The following DPYD variants were observed in gnomAD, a reference collection of about 807,000 sequenced individuals.
DPYD encodes the protein dihydropyrimidine dehydrogenase, also known as dihydropyrimidine dehydrogenase [NADP(+)].
Under a neutral mutation model 116.2 loss-of-function variants are expected in DPYD, and 109 were observed. That is an observed-to-expected ratio of 0.94 (90% CI 0.80 to 1.10). The LOEUF (loss-of-function observed/expected upper bound fraction) is 1.10. Ranked by LOEUF, DPYD falls within the 50% of genes least tolerant of loss-of-function variation. The pLI is 0.00. For synonymous variants in DPYD, 440 were observed against 432.0 expected (o/e 1.02, Z -0.23); for missense variants, 1,302 against 1,254.5 (o/e 1.04, Z -0.57).
At chr1:97,378,265 G>A (rs1246205418) in intron 15 of DPYD, among the ~76,000 whole-genome samples, 1 of 152,106 alleles carries the variant, frequency 6.6e-6, no homozygotes, top group Non-Finnish European at 1.5e-5. Flanking sequence ...TCCCTGTTCA[G>A]AGACTTAACA....
At chr1:97,416,200 T>G (rs1365043148) in intron 14 of DPYD, among the ~76,000 whole-genome samples, 1 of 152,214 alleles carries the variant, frequency 6.6e-6, no homozygotes, top group Non-Finnish European at 1.5e-5. Flanking sequence ...AAAAGGGCAA[T>G]CTAATTCCTT....
At chr1:97,646,080 TC>T (rs1658242505) in intron 8 of DPYD, among the ~76,000 whole-genome samples, 1 of 152,156 alleles carries the variant, frequency 6.6e-6, no homozygotes, top group Non-Finnish European at 1.5e-5. Context: ...ACAAAAGTTT[TC>T]CTAGGATATT....
At chr1:97,845,956 G>A (rs1670279864) in intron 2 of DPYD, among the ~76,000 whole-genome samples, 1 of 152,222 alleles carries the variant, frequency 6.6e-6, no homozygotes, top group South Asian at 2.1e-4. Context: ...CCCTGCTGCA[G>A]CAGCAAGCAT....
intron 16 of DPYD, among the ~76,000 whole-genome samples, chr1:97,364,326 G>A (rs1670912485): frequency 1.3e-5 from 2 of 152,086 alleles, no homozygotes; most frequent in Admixed American, 1.3e-4. Flanking sequence ...CACATACTAA[G>A]GTTAATGGAA....
intron 12 of DPYD, 114 bp downstream of exon 12, chr1:97,549,446 G>T (rs868020410): frequency 3.5e-6 from 4 of 1,127,830 alleles, no homozygotes; most frequent in South Asian, 1.3e-5. Context: ...GTGACATATT[G>T]TATATATGCT....
chr1:97,542,739 T>G (rs1458283797), intron 12 of DPYD, among the ~76,000 whole-genome samples: 1 of 152,320 alleles, frequency 6.6e-6, no homozygotes, highest in East Asian at 1.9e-4. Context: ...TTAAATCTAA[T>G]AATTGGTGCT....
At chr1:97,825,791 A>G (rs1209253093) in intron 3 of DPYD, among the ~76,000 whole-genome samples, 1 of 152,148 alleles carries the variant, frequency 6.6e-6, no homozygotes, top group Non-Finnish European at 1.5e-5. Context: ...AGAAAGAAAG[A>G]AAAACGGATG....
intron 13 of DPYD, among the ~76,000 whole-genome samples, chr1:97,471,883 C>A (rs777571438): frequency 1.3e-5 from 2 of 152,188 alleles, no homozygotes; most frequent in Non-Finnish European, 2.9e-5. Context: ...AGCCACCACG[C>A]CCATCCCGTC....
At chr1:97,361,048 A>G (rs1670696216) in intron 16 of DPYD, among the ~76,000 whole-genome samples, 1 of 152,150 alleles carries the variant, frequency 6.6e-6, no homozygotes, top group Admixed American at 6.6e-5. Flanking sequence ...CAAAATTGAT[A>G]GAACGCTAGC....
intron 16 of DPYD, among the ~76,000 whole-genome samples, chr1:97,347,264 A>G (rs1275631314): frequency 2.0e-5 from 3 of 151,972 alleles, no homozygotes; most frequent in Admixed American, 6.6e-5. Context: ...TATTTTGCAA[A>G]TATCTTTGAT....
chr1:97,094,182 C>A (rs1357729477), intron 21 of DPYD, among the ~76,000 whole-genome samples: 3 of 151,988 alleles, frequency 2.0e-5, no homozygotes, highest in Non-Finnish European at 4.4e-5. Context: ...ATTGAAGCTG[C>A]TTCTTGGGTC....
intron 3 of DPYD, among the ~76,000 whole-genome samples, chr1:97,790,933 A>C (rs1203017381): frequency 2.0e-5 from 3 of 152,218 alleles, no homozygotes; most frequent in Non-Finnish European, 4.4e-5. Flanking sequence ...CTATTAAACT[A>C]TTGAAAGACA....
intron 19 of DPYD, among the ~76,000 whole-genome samples, chr1:97,201,117 A>C (rs1282057440): frequency 2.6e-5 from 4 of 152,150 alleles, no homozygotes; most frequent in Admixed American, 2.6e-4. Context: ...TACATATATA[A>C]ACAAGCATAT....
chr1:97,519,958 T>A (rs1012614948), intron 12 of DPYD, among the ~76,000 whole-genome samples: 1 of 152,118 alleles, frequency 6.6e-6, no homozygotes. Flanking sequence ...AATATAATTA[T>A]TTTAATTAAT....
At chr1:97,782,039 A>C (rs1666774584) in intron 3 of DPYD, among the ~76,000 whole-genome samples, 1 of 152,174 alleles carries the variant, frequency 6.6e-6, no homozygotes, top group African/African-American at 2.4e-5. Flanking sequence ...TAAATCTCTT[A>C]GACCGAAAAG....
intron 3 of DPYD, among the ~76,000 whole-genome samples, chr1:97,780,668 T>G (rs1557956051): frequency 6.6e-6 from 1 of 152,152 alleles, no homozygotes. Context: ...ACCAAGCAAG[T>G]AGTACTCTAC....
chr1:97,534,192 A>T (rs1649835220), intron 12 of DPYD, among the ~76,000 whole-genome samples: 1 of 152,192 alleles, frequency 6.6e-6, no homozygotes, highest in Non-Finnish European at 1.5e-5. Context: ...AACAAAACTG[A>T]TTAAAAATGT....
In DPYD at chr1:97,266,579, G is replaced by T. The variant is rs552318510; in HGVS notation, c.2300-31585C>A. On this transcript the variant is annotated intron_variant, in intron 18 of 22. Coordinates refer to ENST00000370192, the MANE Select transcript of DPYD (RefSeq NM_000110.4). ...AGTTCTAGGGTACATGTGCACAACG[G>T]GCAGGTTTGTTACATAGGTATACAT... 3.9e-3 allele frequency among the ~76,000 whole-genome samples: 598 copies of T among 151,832 alleles called. 2 individuals carry two copies. The highest frequency in any genetic ancestry group is 6.0e-3 in the Admixed American group (91 of 15,226).
At chr1:97,474,635 AAC>A (rs1273909997) in intron 13 of DPYD, among the ~76,000 whole-genome samples, 1 of 151,962 alleles carries the variant, frequency 6.6e-6, no homozygotes, top group Non-Finnish European at 1.5e-5. Context: ...TTAATAAAGA[AAC>A]AAAAAATAAA....
Sources: gnomAD v4.1 joint callset for allele counts (sites outside exome capture counted in the v4.1 genomes callset) on GRCh38, gnomAD v4.1.1 for gene constraint, MANE v1.5 for transcripts, NCBI Gene and HGNC (gene_info 2026-07-23, HGNC 2026-07-21) for gene names.